The following DLC1 variants were observed in gnomAD, a reference collection of about 807,000 sequenced individuals.
The protein encoded by DLC1 is DLC1 Rho GTPase activating protein.
Under a neutral mutation model 140.3 loss-of-function variants are expected in DLC1, and 54 were observed. The observed-to-expected ratio is 0.38, with a 90% CI of 0.31 to 0.48. The LOEUF is 0.48. Ranked by LOEUF, DLC1 falls within the 20% of genes least tolerant of loss-of-function variation. The probability of loss-of-function intolerance (pLI) is 0.96; values close to 1 mark genes in which losing one functional copy is unlikely to be tolerated. For synonymous variants in DLC1, 986 were observed against 728.1 expected (o/e 1.35, Z -5.70); for missense variants, 2,536 against 1,907.0 (o/e 1.33, Z -6.14).
At chr8:13,249,495 G>C (rs1244975046) in intron 5 of DLC1, among the ~76,000 whole-genome samples, 1 of 152,106 alleles carries the variant, frequency 6.6e-6, no homozygotes, top group Non-Finnish European at 1.5e-5. Context: ...CTGCCACCGT[G>C]ATCCCATTTC....
intron 2 of DLC1, among the ~76,000 whole-genome samples, chr8:13,478,967 A>G (rs1194237877): frequency 2.6e-5 from 4 of 152,198 alleles, no homozygotes; most frequent in Non-Finnish European, 4.4e-5. Flanking sequence ...ACTTGGGTCT[A>G]TGCATAGCAT....
chr8:13,590,672 T>A (rs1257560307), intron 1 of DLC1, among the ~76,000 whole-genome samples: 1 of 152,128 alleles, frequency 6.6e-6, no homozygotes, highest in Non-Finnish European at 1.5e-5. Flanking sequence ...GCTCTGTATT[T>A]GCATTGTCCA....
At chr8:13,408,878 A>T (rs12335309) in intron 2 of DLC1, among the ~76,000 whole-genome samples, 71,950 of 152,034 alleles carry the variant, frequency 0.47, 17,922 homozygotes, top group Non-Finnish European at 0.56. Flanking sequence ...GTTTGAAAAC[A>T]TAAGAAAAAT....
intron 5 of DLC1, among the ~76,000 whole-genome samples, chr8:13,293,053 C>A (rs1410625693): frequency 1.3e-5 from 2 of 152,132 alleles, no homozygotes; most frequent in Admixed American, 1.3e-4. Flanking sequence ...TGAGATCCTG[C>A]CTCTATGTTA....
chr8:13,185,122 C>CTTTTTTTTTTT (rs1193667992), intron 5 of DLC1, among the ~76,000 whole-genome samples: 31 of 84,562 alleles, frequency 3.7e-4, no homozygotes, highest in African/African-American at 5.7e-4. Context: ...GCAACCCCTG[C>CTTTTTTTTTTT]TTTTTTTTTT....
At chr8:13,461,508 C>T (rs1245551566) in intron 2 of DLC1, among the ~76,000 whole-genome samples, 8 of 152,326 alleles carry the variant, frequency 5.3e-5, no homozygotes, top group Middle Eastern at 3.4e-3. Context: ...AGTCTATCAA[C>T]TTCCATCAGA....
At chr8:13,314,872 T>C (rs1211330829) in intron 4 of DLC1, among the ~76,000 whole-genome samples, 1 of 152,222 alleles carries the variant, frequency 6.6e-6, no homozygotes, top group Non-Finnish European at 1.5e-5. Context: ...AACACTTTTA[T>C]TACAGGGAGA....
intron 5 of DLC1, among the ~76,000 whole-genome samples, chr8:13,146,915 A>C (rs920377551): frequency 7.9e-5 from 12 of 152,198 alleles, no homozygotes; most frequent in African/African-American, 2.9e-4. Flanking sequence ...TTTAGGAAGA[A>C]TGAAGGAATG....
chr8:13,405,969 C>A (rs1453818393), intron 2 of DLC1, among the ~76,000 whole-genome samples: 1 of 85,046 alleles, frequency 1.2e-5, no homozygotes, highest in Non-Finnish European at 2.5e-5. Context: ...TTCTTTCTTT[C>A]TTTCATCTCT....
intron 2 of DLC1, among the ~76,000 whole-genome samples, chr8:13,435,599 C>T (rs181842779): frequency 1.6e-3 from 242 of 152,260 alleles, no homozygotes; most frequent in African/African-American, 5.3e-3. Context: ...CAAGAGTGAG[C>T]CACTGTGCCC....
At chr8:13,092,378 A>T (rs1184833612) in intron 13 of DLC1, among the ~76,000 whole-genome samples, 2 of 152,236 alleles carry the variant, frequency 1.3e-5, no homozygotes, top group African/African-American at 4.8e-5. Context: ...GAGGAAAAGG[A>T]TCAGTTCGAT....
chr8:13,208,101 A>G (rs1827763658), intron 5 of DLC1, among the ~76,000 whole-genome samples: 1 of 152,192 alleles, frequency 6.6e-6, no homozygotes, highest in Admixed American at 6.5e-5. Flanking sequence ...GGTTGACTAG[A>G]AAAGGACTTC....
chr8:13,355,962 C>A (rs1161130715), intron 4 of DLC1, among the ~76,000 whole-genome samples: 2 of 151,082 alleles, frequency 1.3e-5, no homozygotes, highest in African/African-American at 4.9e-5. Context: ...TAGTGGCGGG[C>A]ACCTGTAGTC....
At chr8:13,269,881 C>G (rs1467103115) in intron 5 of DLC1, among the ~76,000 whole-genome samples, 1 of 147,730 alleles carries the variant, frequency 6.8e-6, no homozygotes. Context: ...CACGGTGAAA[C>G]CCCGTCTCTA....
At chr8:13,278,759 A>G (rs1452364984) in intron 5 of DLC1, among the ~76,000 whole-genome samples, 2 of 152,192 alleles carry the variant, frequency 1.3e-5, no homozygotes, top group African/African-American at 4.8e-5. Context: ...ACACCTAAAC[A>G]CAGAAAGGAA....
At chr8:13,535,844 A>G (rs972947196) in intron 1 of DLC1, among the ~76,000 whole-genome samples, 5 of 152,116 alleles carry the variant, frequency 3.3e-5, no homozygotes, top group African/African-American at 1.2e-4. Context: ...GATTTTGACC[A>G]ATCAGTATCC....
At chr8:13,356,842 A>T (rs1184799100) in intron 4 of DLC1, among the ~76,000 whole-genome samples, 2 of 150,014 alleles carry the variant, frequency 1.3e-5, no homozygotes, top group African/African-American at 4.9e-5. Flanking sequence ...TCTTTTTTTT[A>T]TTATTTTTTT....
rs1165242568 is a variant in DLC1 at position 13,085,447 on chromosome 8, C to G, written c.*364G>C. On this transcript the variant is annotated 3_prime_UTR_variant, in exon 18 of 18. Transcript: ENST00000276297. ...CAGTGGATACACCAGTCCCTCAACA[C>G]ACTGCAAATAAAGCGACACAGGTAC... The G allele has an allele frequency of 5.8e-6, 1 of 172,264 alleles. No homozygotes were observed. Among genetic ancestry groups the G allele is most frequent in the African/African-American group, 2.4e-5 (1 of 42,008 alleles). The allele number at this position is 172,264 out of a possible 1,614,324, so 10.7% of individuals were successfully genotyped here.
At chr8:13,354,066 C>G (rs1022476036) in intron 4 of DLC1, among the ~76,000 whole-genome samples, 1 of 149,936 alleles carries the variant, frequency 6.7e-6, no homozygotes, top group East Asian at 2.0e-4. Flanking sequence ...TTTCTGTAAT[C>G]AGCTGTGGTT....
Sources: allele counts gnomAD v4.1 joint callset (sites outside exome capture counted in the v4.1 genomes callset), GRCh38; gene constraint gnomAD v4.1.1; transcripts MANE v1.5; gene names NCBI Gene and HGNC (gene_info 2026-07-23, HGNC 2026-07-21).